Variants in DAB1 observed in about 807,000 individuals in gnomAD.
DAB1 encodes DAB adaptor protein 1, also known as disabled homolog 1.
Under a neutral mutation model 64.6 loss-of-function variants are expected in DAB1, and 15 were observed. That is an observed-to-expected ratio of 0.23 (90% CI 0.16 to 0.36). The LOEUF (loss-of-function observed/expected upper bound fraction) is 0.36, where lower values mean the gene tolerates loss of function less well. Ranked by LOEUF, DAB1 falls within the 10% of genes least tolerant of loss-of-function variation. The pLI is 1.00. For missense variants in DAB1, 596 were observed against 706.7 expected (o/e 0.84, Z 1.78); for synonymous variants, 235 against 251.9 (o/e 0.93, Z 0.64).
At chr1:57,440,309 G>C (rs892989910) in intron 7 of DAB1, among the ~76,000 whole-genome samples, 2 of 152,202 alleles carry the variant, frequency 1.3e-5, no homozygotes, top group African/African-American at 4.8e-5. Flanking sequence ...AAACTGCAGA[G>C]AGAAAGAGCT....
chr1:57,851,347 G>T (rs1023029955), intron 1 of DAB1, among the ~76,000 whole-genome samples: 1 of 152,192 alleles, frequency 6.6e-6, no homozygotes, highest in Non-Finnish European at 1.5e-5. Context: ...CTTTGACGTT[G>T]ATTTCTGCCT....
At chr1:57,887,198 G>A (rs1225393552), upstream of DAB1, among the ~76,000 whole-genome samples, 2 of 152,116 alleles carry the variant, frequency 1.3e-5, no homozygotes, top group Non-Finnish European at 2.9e-5. Context: ...CCATTGCACT[G>A]TCTATTACCC....
chr1:58,535,950 G>C (rs1027654949), intron 1 of DAB1, among the ~76,000 whole-genome samples: 2 of 151,828 alleles, frequency 1.3e-5, no homozygotes, highest in African/African-American at 4.9e-5. Context: ...TATATACTAA[G>C]CTCTACTCTT....
intron 4 of DAB1, among the ~76,000 whole-genome samples, chr1:57,103,360 C>A (rs1200914654): frequency 6.6e-6 from 1 of 152,184 alleles, no homozygotes; most frequent in African/African-American, 2.4e-5. Context: ...AGGCCCAGAT[C>A]TCCCAGGCTG....
At chr1:57,505,150 T>A (rs564969203) in intron 7 of DAB1, among the ~76,000 whole-genome samples, 3 of 152,220 alleles carry the variant, frequency 2.0e-5, no homozygotes. Flanking sequence ...GAAGTAGTAA[T>A]AGGGGAAACT....
At chr1:57,575,596 T>C (rs1430073597) in intron 7 of DAB1, among the ~76,000 whole-genome samples, 1 of 152,158 alleles carries the variant, frequency 6.6e-6, no homozygotes. Flanking sequence ...GACAGTGAAA[T>C]GTTGCTATGT....
intron 4 of DAB1, among the ~76,000 whole-genome samples, chr1:58,172,026 G>A (rs1656202262): frequency 6.6e-6 from 1 of 152,136 alleles, no homozygotes; most frequent in Non-Finnish European, 1.5e-5. Flanking sequence ...GGAATCACTG[G>A]CTTTTGCCAA....
intron 1 of DAB1, among the ~76,000 whole-genome samples, chr1:57,323,453 C>T (rs1675889603): frequency 6.6e-6 from 1 of 152,130 alleles, no homozygotes; most frequent in Non-Finnish European, 1.5e-5. Context: ...CACATAGGGC[C>T]CATTCAGGGG....
intron 6 of DAB1, among the ~76,000 whole-genome samples, chr1:57,813,514 T>A (rs1651722143): frequency 6.6e-6 from 1 of 152,196 alleles, no homozygotes; most frequent in Non-Finnish European, 1.5e-5. Context: ...GATGTGTAAA[T>A]CTAGCAATTA....
chr1:57,679,221 T>C (rs12139374), intron 6 of DAB1, among the ~76,000 whole-genome samples: 3 of 152,340 alleles, frequency 2.0e-5, no homozygotes, highest in Admixed American at 1.3e-4. Flanking sequence ...CTTAATCTTC[T>C]GTAGGTGTTC....
At chr1:58,529,193 A>C (rs1646395724) in intron 1 of DAB1, among the ~76,000 whole-genome samples, 1 of 152,196 alleles carries the variant, frequency 6.6e-6, no homozygotes, top group Non-Finnish European at 1.5e-5. Flanking sequence ...TGAATAATAG[A>C]CTTAGTTATC....
chr1:58,004,544 G>A (rs1646552472), intron 5 of DAB1, among the ~76,000 whole-genome samples: 1 of 152,158 alleles, frequency 6.6e-6, no homozygotes, highest in African/African-American at 2.4e-5. Context: ...AAAGTGTAAT[G>A]GGGAAAGCAA....
chr1:57,576,641 T>C (rs137920178), intron 7 of DAB1, among the ~76,000 whole-genome samples: 67 of 152,326 alleles, frequency 4.4e-4, no homozygotes, highest in African/African-American at 1.5e-3. Flanking sequence ...CCTCCGGAAC[T>C]GTGAGATGAT....
At chr1:57,387,242 A>G (rs1681942876) in intron 1 of DAB1, 1 of 152,146 alleles carries the variant, frequency 6.6e-6, no homozygotes, top group Non-Finnish European at 1.5e-5. Context: ...GATTAAGATG[A>G]TGTGTACAGA....
intron 1 of DAB1, among the ~76,000 whole-genome samples, chr1:57,370,550 TG>T (rs1680412065): frequency 6.6e-6 from 1 of 151,752 alleles, no homozygotes; most frequent in Admixed American, 6.6e-5. Flanking sequence ...CTACTTTTAT[TG>T]GGGTGAGGGA....
At chr1:57,590,025 G>C (rs905946874) in intron 7 of DAB1, among the ~76,000 whole-genome samples, 1 of 152,076 alleles carries the variant, frequency 6.6e-6, no homozygotes, top group Non-Finnish European at 1.5e-5. Flanking sequence ...TAGTTTGCTA[G>C]AGATATCATA....
At chr1:57,529,635 C>T (rs541055696) in intron 7 of DAB1, among the ~76,000 whole-genome samples, 1 of 152,176 alleles carries the variant, frequency 6.6e-6, no homozygotes, top group African/African-American at 2.4e-5. Context: ...AAGCAAGCAA[C>T]TTATAATAAT....
chr1:57,539,977 C>A (rs967967134), intron 7 of DAB1, among the ~76,000 whole-genome samples: 1 of 152,130 alleles, frequency 6.6e-6, no homozygotes, highest in Admixed American at 6.5e-5. Flanking sequence ...TAAACAGATG[C>A]CACATTTTGG....
intron 7 of DAB1, among the ~76,000 whole-genome samples, chr1:57,467,813 T>C (rs780749886): frequency 3.3e-5 from 5 of 152,228 alleles, no homozygotes; most frequent in Non-Finnish European, 5.9e-5. Flanking sequence ...TGTAAGATCA[T>C]GTTACTTTAC....
Sources: gnomAD v4.1 joint callset for allele counts (sites outside exome capture counted in the v4.1 genomes callset) on GRCh38, gnomAD v4.1.1 for gene constraint, MANE v1.5 for transcripts, NCBI Gene and HGNC (gene_info 2026-07-23, HGNC 2026-07-21) for gene names.